The following CRELD1 variants were observed in gnomAD, a reference collection of about 807,000 sequenced individuals.
CRELD1 encodes CRELD disulfide isomerase 1, also known as protein disulfide isomerase CRELD1.
CRELD1 carries 42 observed loss-of-function variants against 58.2 expected under a neutral mutation model. The ratio of observed to expected loss-of-function variants is 0.72; its 90% CI spans 0.56 to 0.93. The LOEUF is 0.93. CRELD1 is among the 40% of genes least tolerant of loss of function. The pLI is 0.00. For missense variants in CRELD1, 500 were observed against 540.6 expected, an observed-to-expected ratio of 0.92 and a Z score of 0.74; for synonymous variants, 222 against 202.0, an observed-to-expected ratio of 1.10 and a Z score of -0.84.
At chr3:9,942,648 T>C (rs2085400466) in intron 7 of CRELD1, 165 bp from the exon 8 acceptor site, 2 of 672,908 alleles carry the variant, frequency 3.0e-6, no homozygotes, top group Admixed American at 4.2e-5. Context: ...ATGTGGTCTC[T>C]GGCTGGGCAG....
At chr3:9,943,868 T>C (rs1178118734) in intron 10 of CRELD1, 1 of 1,613,792 alleles carries the variant, frequency 6.2e-7, no homozygotes, top group Non-Finnish European at 8.5e-7. Context: ...AGGGACCATT[T>C]CCCCAGCAAT....
chr3:9,933,836 G>C lies in CRELD1; in HGVS notation c.-104G>C. 1 of 535,656 alleles carries C rather than the reference G, an allele frequency of 1.9e-6. No homozygotes were observed. Among genetic ancestry groups the C allele is most frequent in the Non-Finnish European group, 3.3e-6 (1 of 305,008 alleles). 33.2% of individuals were successfully genotyped at this position (535,656 alleles called of 1,614,324 possible). A position where few individuals can be genotyped will look rare whatever the true frequency, so the allele number is the denominator to read the frequency against. ...GGTGGGGGTTGTGCGTTTTACGCAG[G>C]CTGTGGCAGCGACGCGGTGAGGAGA... On this transcript the variant is annotated 5_prime_UTR_variant, in exon 1 of 11. Transcript: ENST00000452070.
At chr3:9,940,014 C>G (rs540003974) in intron 5 of CRELD1, among the ~76,000 whole-genome samples, 42 of 152,130 alleles carry the variant, frequency 2.8e-4, no homozygotes, top group African/African-American at 9.6e-4. Context: ...GGAGACACTT[C>G]TCACTTCCCA....
rs1364875858 is a variant in CRELD1, at chr3:9,944,481, T to C, written c.1165T>C (p.Phe389Leu). Reference sequence around the variant, plus strand: ...GCTGGCTGCTAAGGGCGACTTGGTGTTCACCGCCATCTTCATTGGGGCTGT... The same window carrying C: ...GCTGGCTGCTAAGGGCGACTTGGTGCTCACCGCCATCTTCATTGGGGCTGT... ...ATLAAKGDLV[F>L]TAIFIGAVAA... Residue 389 changes from phenylalanine to leucine, a missense_variant, in exon 11 of 11, where the codon TTC (phenylalanine) becomes CTC (leucine). Transcript: ENST00000452070. The C allele has an allele frequency of 6.2e-7, 1 of 1,613,302 alleles. No homozygotes were observed. Among genetic ancestry groups the C allele is most frequent in the African/African-American group, 1.3e-5 (1 of 74,920 alleles).
intron 10 of CRELD1, 127 bp from the exon 11 acceptor site, chr3:9,944,238 G>C: frequency 2.3e-6 from 2 of 886,282 alleles, no homozygotes; most frequent in Non-Finnish European, 1.9e-6. Flanking sequence ...AGTAAATGTA[G>C]TGTGCCTGGC....
chr3:9,940,880 G>A lies in CRELD1; in HGVS notation c.491G>A (p.Gly164Asp), dbSNP rs909580028. 1.2e-6 allele frequency: 2 copies of A among 1,613,980 alleles called. No homozygotes were observed. Among genetic ancestry groups the A allele is most frequent in the African/African-American group, 2.7e-5 (2 of 74,908 alleles). The change falls in exon 6 of 11, where the codon GGT becomes GAT. Residue 164 changes from glycine to aspartate, a missense_variant. Transcript: ENST00000452070. ...PCPGGTERPC[G>D]GYGQCEGEGT... ...CCTGGGGGAACAGAGAGGCCCTGCG[G>A]TGGCTACGGGCAGTGTGAAGGAGAA...
intron 3 of CRELD1, among the ~76,000 whole-genome samples, chr3:9,935,327 G>T (rs991503330): frequency 7.9e-5 from 12 of 152,196 alleles, no homozygotes; most frequent in African/African-American, 2.9e-4. Context: ...TGAGCCAAGG[G>T]GAGAGTGCTA....
chr3:9,934,761 C>T, intron 2 of CRELD1, 74 bp from the exon 3 acceptor site: 4 of 1,527,656 alleles, frequency 2.6e-6, no homozygotes, highest in East Asian at 2.3e-5. Context: ...CCTCAGTTTC[C>T]TAGTCAGTAG....
chr3:9,939,463 G>C (rs1451019413), intron 5 of CRELD1, among the ~76,000 whole-genome samples: 1 of 152,162 alleles, frequency 6.6e-6, no homozygotes, highest in African/African-American at 2.4e-5. Flanking sequence ...GGTTTTCCTA[G>C]GCAGAGGACC....
intron 4 of CRELD1, 51 bp downstream of exon 4, chr3:9,937,723 G>A: frequency 7.8e-7 from 1 of 1,279,990 alleles, no homozygotes; most frequent in African/African-American, 1.4e-5. Context: ...GAGGCCTGGT[G>A]ATAAGGCCTG....
At chr3:9,938,155 G>A in intron 5 of CRELD1, 49 bp downstream of exon 5, 1 of 1,400,248 alleles carries the variant, frequency 7.1e-7, no homozygotes, top group Non-Finnish European at 1.0e-6. Flanking sequence ...ACCGAGTCCA[G>A]GGATCCAGTC....
chr3:9,940,976 G>T lies in CRELD1; in HGVS notation c.587G>T (p.Gly196Val). The change falls in exon 6 of 11, where the codon GGC becomes GTC. Residue 196 changes from glycine to valine, a missense_variant. Gly to Val is a moderately radical substitution (Grantham distance 109). Transcript: ENST00000452070. ...GGGGGTGAGGCCTGTGGCCAGTGTG[G>T]CCTTGGCTACTTTGAGGCAGAACGC... ...GYGGEACGQC[G>V]LGYFEAERNA... 6.2e-7 allele frequency: 1 copy of T among 1,614,160 alleles called. No homozygotes were observed. The highest frequency in any genetic ancestry group is 8.5e-7 in the Non-Finnish European group (1 of 1,180,020).
intron 3 of CRELD1, 171 bp downstream of exon 3, chr3:9,935,088 A>G (rs2085138331): frequency 1.6e-6 from 1 of 606,836 alleles, no homozygotes; most frequent in Non-Finnish European, 3.0e-6. Context: ...CCTGGAGCTC[A>G]CATTCTAGTA....
In CRELD1 at chr3:9,943,857, C is replaced by T. The variant is rs752485255; in HGVS notation, c.1048+342C>T. The T allele has an allele frequency of 3.7e-6, 6 of 1,613,898 alleles. No homozygotes were observed. In the Admixed American group the frequency reaches 1.0e-4, roughly 27 times the overall value. The stretch of plus-strand genomic sequence containing the variant: ...TGCAGGGTAATCACAACGATGATGG[C>T]AGGGACCATTTCCCCAGCAATTACT... On this transcript the variant is annotated intron_variant, in intron 10 of 10. Coordinates refer to ENST00000452070, the MANE Select transcript of CRELD1 (RefSeq NM_001077415.3).
intron 5 of CRELD1, among the ~76,000 whole-genome samples, chr3:9,938,732 C>T (rs750301289): frequency 3.2e-4 from 49 of 151,898 alleles, no homozygotes; most frequent in Non-Finnish European, 5.7e-4. Flanking sequence ...TGGTGGCGGG[C>T]GCCTCTAGTC....
rs768247068 is a variant in CRELD1 at position 9,944,041 on chromosome 3, C to T, written c.1049-324C>T. 3 of 834,900 alleles carry T rather than the reference C, an allele frequency of 3.6e-6. No individual in the cohort carries two copies. The highest frequency in any genetic ancestry group is 2.4e-5 in the East Asian group (1 of 41,430). The allele number at this position is 834,900 out of a possible 1,614,324, so 51.7% of individuals were successfully genotyped here. On this transcript the variant is annotated intron_variant, in intron 10 of 10. Coordinates refer to ENST00000452070, the MANE Select transcript of CRELD1 (RefSeq NM_001077415.3). Reference sequence around the variant, plus strand: ...TCCCAGGGCTATATGGCAAGCAAGTCGCAAAGCTGGGATCCCAATCCAGAC... The same window carrying T: ...TCCCAGGGCTATATGGCAAGCAAGTTGCAAAGCTGGGATCCCAATCCAGAC...
At position 9,937,741 on chromosome 3, in the gene CRELD1, C is replaced by T. The variant is rs1467891683; in HGVS notation, c.368+69C>T. 25 of 1,147,054 alleles carry T rather than the reference C, an allele frequency of 2.2e-5. No homozygotes were observed. The East Asian group carries it at 2.5e-4, about 11-fold the overall frequency. The allele number at this position is 1,147,054 out of a possible 1,614,324, so 71.1% of individuals were successfully genotyped here. A position where few individuals can be genotyped will look rare whatever the true frequency, so the allele number is the denominator to read the frequency against. ...GCCTGGTGATAAGGCCTGATTTGGCCGAGAAGCAGGGGGGTGCATGCTGGG... is the reference window on the plus strand; with the variant it reads ...GCCTGGTGATAAGGCCTGATTTGGCTGAGAAGCAGGGGGGTGCATGCTGGG... On this transcript the variant is annotated intron_variant, in intron 4 of 10. Coordinates refer to ENST00000452070, the MANE Select transcript of CRELD1 (RefSeq NM_001077415.3).
Position 9,944,658 on chromosome 3 carries a change from G to A in CRELD1, c.*79G>A. The A allele has an allele frequency of 7.5e-7, 1 of 1,333,350 alleles. No individual in the cohort carries two copies. Among genetic ancestry groups the A allele is most frequent in the Non-Finnish European group, 1.0e-6 (1 of 961,056 alleles). 82.6% of individuals were successfully genotyped at this position (1,333,350 alleles called of 1,614,324 possible). On this transcript the variant is annotated 3_prime_UTR_variant, in exon 11 of 11. Transcript: ENST00000452070. ...GGCTGCCCTCCTGCTGGACACTCAG[G>A]ACAGCTTGGTTTATTTTTGAGAGTG...
At chr3:9,936,659 A>C (rs2085205534) in intron 3 of CRELD1, among the ~76,000 whole-genome samples, 1 of 152,154 alleles carries the variant, frequency 6.6e-6, no homozygotes, top group South Asian at 2.1e-4. Context: ...ACCACTATGT[A>C]GTTCCAGAAC....
Sources: gnomAD v4.1 joint callset for allele counts (sites outside exome capture counted in the v4.1 genomes callset) on GRCh38, gnomAD v4.1.1 for gene constraint, MANE v1.5 for transcripts, NCBI Gene and HGNC (gene_info 2026-07-23, HGNC 2026-07-21) for gene names.